Variants in SLC8A3 observed in about 807,000 individuals in gnomAD.
SLC8A3 encodes the protein sodium/calcium exchanger 3.
A neutral mutation model predicts 65.4 loss-of-function variants in SLC8A3; 37 were observed. That is an observed-to-expected ratio of 0.57 (90% confidence interval 0.44 to 0.74). SLC8A3 has a LOEUF of 0.74. Ranked by LOEUF, SLC8A3 falls within the 30% of genes least tolerant of loss-of-function variation. The pLI is 0.00. For missense variants in SLC8A3, 1,112 were observed against 1,172.1 expected (o/e 0.95, Z 0.75); for synonymous variants, 461 against 444.5 (o/e 1.04, Z -0.47).
chr14:70,176,072 C>A (rs951687688), intron 1 of SLC8A3, among the ~76,000 whole-genome samples: 6 of 152,180 alleles, frequency 3.9e-5, no homozygotes, highest in African/African-American at 1.4e-4. Context: ...AGAGGTTGAA[C>A]TTGACCTCTG....
intron 2 of SLC8A3, among the ~76,000 whole-genome samples, chr14:70,082,626 C>T (rs1017949007): frequency 6.6e-6 from 1 of 152,182 alleles, no homozygotes; most frequent in African/African-American, 2.4e-5. Context: ...CCACGTGGCA[C>T]CCAGCACATA....
intron 2 of SLC8A3, among the ~76,000 whole-genome samples, chr14:70,082,573 C>T (rs979829251): frequency 6.6e-6 from 1 of 152,176 alleles, no homozygotes; most frequent in East Asian, 1.9e-4. Context: ...TCTGCAAGCC[C>T]TCTTCCTCTT....
intron 1 of SLC8A3, among the ~76,000 whole-genome samples, chr14:70,173,808 T>C (rs1897698518): frequency 6.6e-6 from 1 of 152,214 alleles, no homozygotes; most frequent in Admixed American, 6.5e-5. Context: ...AGTGCAGTCC[T>C]GTCCTCGGCA....
At chr14:70,173,949 TA>T (rs1192001792) in intron 1 of SLC8A3, among the ~76,000 whole-genome samples, 4 of 152,222 alleles carry the variant, frequency 2.6e-5, no homozygotes, top group African/African-American at 4.8e-5. Context: ...ATAATGATAT[TA>T]AATGTTTTTC....
intron 2 of SLC8A3, among the ~76,000 whole-genome samples, chr14:70,149,352 A>G (rs1402900122): frequency 6.6e-6 from 1 of 152,170 alleles, no homozygotes; most frequent in Non-Finnish European, 1.5e-5. Flanking sequence ...GAGAGGCAGC[A>G]CCATCCACAG....
chr14:70,052,121 C>T lies in SLC8A3; in HGVS notation c.1889-7G>A, dbSNP rs769515538. 3.1e-6 allele frequency: 5 copies of T among 1,592,634 alleles called. No individual in the cohort carries two copies. Among genetic ancestry groups the T allele is most frequent in the Non-Finnish European group, 4.3e-6 (5 of 1,172,512 alleles). ...AGCTTCCTGTCTGTCACATCTGCAA[C>T]AAAACAAAATCAGACTCGCTTTAAC... On this transcript the variant is annotated splice_polypyrimidine_tract_variant and splice_region_variant and intron_variant, in intron 3 of 6. Coordinates refer to ENST00000356921, the MANE Select transcript of SLC8A3 (RefSeq NM_182932.3).
At position 70,167,744 on chromosome 14, in the gene SLC8A3, C is replaced by A. The variant is rs747766082; in HGVS notation, c.679G>T (p.Gly227Cys). 1.2e-6 allele frequency: 2 copies of A among 1,614,132 alleles called. No homozygotes were observed. Among genetic ancestry groups the A allele is most frequent in the South Asian group, 1.1e-5 (1 of 91,082 alleles). Reference protein sequence around the residue: ...LYMILAVFSPGVVQVWEGLLT... With the variant: ...LYMILAVFSPCVVQVWEGLLT... Reference sequence around the variant, plus strand: ...AGGCCTTCCCAAACCTGGACCACACCAGGGGAGAAGACTGCCAGAATCATA... The same window carrying A: ...AGGCCTTCCCAAACCTGGACCACACAAGGGGAGAAGACTGCCAGAATCATA... Residue 227 changes from glycine (G) to cysteine (C), a missense_variant, in exon 2 of 7, where the codon GGT (glycine) becomes TGT (cysteine). Physicochemically the swap from Gly to Cys is radical, Grantham distance 159. Coordinates refer to ENST00000356921, the MANE Select transcript of SLC8A3 (RefSeq NM_182932.3).
At chr14:70,058,950 G>A (rs555047815) in intron 3 of SLC8A3, among the ~76,000 whole-genome samples, 5 of 152,338 alleles carry the variant, frequency 3.3e-5, no homozygotes, top group African/African-American at 4.8e-5. Context: ...CAAGGGAGGT[G>A]GGAATGAGGT....
At chr14:70,120,029 A>G (rs1893945003) in intron 2 of SLC8A3, among the ~76,000 whole-genome samples, 1 of 152,124 alleles carries the variant, frequency 6.6e-6, no homozygotes, top group Non-Finnish European at 1.5e-5. Context: ...TAGGTGGTTA[A>G]CTGACAAGTG....
At chr14:70,158,854 C>T (rs75034180) in intron 2 of SLC8A3, among the ~76,000 whole-genome samples, 2,088 of 152,234 alleles carry the variant, frequency 0.014, 25 homozygotes, top group Non-Finnish European at 0.022. Flanking sequence ...AATATAATTC[C>T]TATGAATGAT....
chr14:70,178,147 C>T (rs1882399960), intron 1 of SLC8A3, among the ~76,000 whole-genome samples: 1 of 152,212 alleles, frequency 6.6e-6, no homozygotes, highest in Non-Finnish European at 1.5e-5. Flanking sequence ...CTGAGATCTC[C>T]AGGCCCCAAG....
chr14:70,070,874 A>G (rs1005445196), intron 2 of SLC8A3, among the ~76,000 whole-genome samples: 4 of 152,242 alleles, frequency 2.6e-5, no homozygotes, highest in African/African-American at 9.6e-5. Context: ...GTTGCTTTCC[A>G]TGGTGAAAAT....
At chr14:70,109,361 T>C (rs1351455604) in intron 2 of SLC8A3, among the ~76,000 whole-genome samples, 5 of 149,642 alleles carry the variant, frequency 3.3e-5, no homozygotes, top group Admixed American at 2.7e-4. Flanking sequence ...AAGTCACTCA[T>C]CATTTGCTCT....
chr14:70,067,085 C>G (rs1889511037), intron 2 of SLC8A3, among the ~76,000 whole-genome samples: 1 of 152,184 alleles, frequency 6.6e-6, no homozygotes, highest in South Asian at 2.1e-4. Flanking sequence ...TAACGTCCTC[C>G]CCTTGCTTAT....
chr14:70,079,145 C>T (rs1259722999), intron 2 of SLC8A3, among the ~76,000 whole-genome samples: 1 of 152,014 alleles, frequency 6.6e-6, no homozygotes, highest in Non-Finnish European at 1.5e-5. Flanking sequence ...CTAATCACCC[C>T]TATATTTCCA....
chr14:70,091,559 C>G (rs146592219), intron 2 of SLC8A3, among the ~76,000 whole-genome samples: 38 of 152,280 alleles, frequency 2.5e-4, no homozygotes, highest in African/African-American at 9.1e-4. Flanking sequence ...TCAATGTCTA[C>G]TATTGATCTC....
chr14:70,063,371 C>A (rs1027429494), intron 2 of SLC8A3, among the ~76,000 whole-genome samples: 16 of 152,150 alleles, frequency 1.1e-4, no homozygotes, highest in African/African-American at 3.1e-4. Flanking sequence ...AAGTTTAGCC[C>A]TGAGAATAAC....
intron 1 of SLC8A3, among the ~76,000 whole-genome samples, chr14:70,177,216 G>C (rs1056690429): frequency 6.6e-6 from 1 of 152,200 alleles, no homozygotes; most frequent in Non-Finnish European, 1.5e-5. Flanking sequence ...GGAGTACATG[G>C]AATGAATGTG....
chr14:70,080,118 A>T (rs957855472), intron 2 of SLC8A3: 1 of 985,426 alleles, frequency 1.0e-6, no homozygotes. Context: ...CCTTTGACTT[A>T]TCCACCCTCC....
Sources: gnomAD v4.1 joint callset for allele counts (sites outside exome capture counted in the v4.1 genomes callset) on GRCh38, gnomAD v4.1.1 for gene constraint, MANE v1.5 for transcripts, NCBI Gene and HGNC (gene_info 2026-07-23, HGNC 2026-07-21) for gene names.